Variants in NRXN1 observed in about 807,000 individuals in gnomAD.
NRXN1 encodes the protein neurexin 1.
Under a neutral mutation model 150.9 loss-of-function variants are expected in NRXN1, and 39 were observed. The observed-to-expected ratio is 0.26, with a 90% CI of 0.20 to 0.34. NRXN1 has a LOEUF of 0.34. Among genes scored for constraint, NRXN1 ranks in the 10% least tolerant of loss-of-function variants. NRXN1 has a pLI of 1.00. For synonymous variants in NRXN1, 924 were observed against 757.0 expected (o/e 1.22, Z -3.62); for missense variants, 1,815 against 1,949.9 (o/e 0.93, Z 1.30).
intron 17 of NRXN1, among the ~76,000 whole-genome samples, chr2:50,351,487 C>A (rs945838535): frequency 6.6e-6 from 1 of 151,992 alleles, no homozygotes; most frequent in East Asian, 1.9e-4. Context: ...ATTGGTCCAA[C>A]GAAAGTTAGG....
intron 19 of NRXN1, among the ~76,000 whole-genome samples, chr2:50,061,800 T>C (rs1694576172): frequency 6.6e-6 from 1 of 152,206 alleles, no homozygotes; most frequent in Non-Finnish European, 1.5e-5. Flanking sequence ...TTTTGTGTGG[T>C]TTGATCTGTT....
chr2:50,406,507 C>G (rs2082758802), intron 17 of NRXN1, among the ~76,000 whole-genome samples: 1 of 152,120 alleles, frequency 6.6e-6, no homozygotes, highest in Admixed American at 6.5e-5. Context: ...TAGTAAAAAA[C>G]TTTATCTTTG....
At chr2:50,146,639 A>T (rs147200686) in intron 18 of NRXN1, among the ~76,000 whole-genome samples, 175 of 151,806 alleles carry the variant, frequency 1.2e-3, no homozygotes, top group African/African-American at 4.0e-3. Flanking sequence ...GCTGATTATA[A>T]CTTACTTTTA....
chr2:50,013,183 T>G (rs1469879214), intron 21 of NRXN1, among the ~76,000 whole-genome samples: 1 of 152,126 alleles, frequency 6.6e-6, no homozygotes, highest in Admixed American at 6.6e-5. Flanking sequence ...TTTAGCCATT[T>G]TAGGCATTAT....
intron 17 of NRXN1, among the ~76,000 whole-genome samples, chr2:50,377,332 G>A (rs987623315): frequency 2.0e-5 from 3 of 152,106 alleles, no homozygotes; most frequent in African/African-American, 7.2e-5. Flanking sequence ...CCACTTATAA[G>A]TGAGAACATG....
At chr2:50,210,626 C>T (rs1240727963) in intron 18 of NRXN1, among the ~76,000 whole-genome samples, 1 of 151,594 alleles carries the variant, frequency 6.6e-6, no homozygotes, top group East Asian at 1.9e-4. Context: ...TATAGTGATA[C>T]TTTTGAGACA....
At chr2:50,768,965 G>A (rs778284777) in intron 5 of NRXN1, among the ~76,000 whole-genome samples, 14 of 151,262 alleles carry the variant, frequency 9.3e-5, no homozygotes, top group African/African-American at 1.7e-4. Flanking sequence ...ACTTGAAAAC[G>A]AAAACTTCTT....
intron 5 of NRXN1, among the ~76,000 whole-genome samples, chr2:50,711,820 G>A (rs1695201390): frequency 6.6e-6 from 1 of 152,092 alleles, no homozygotes; most frequent in South Asian, 2.1e-4. Flanking sequence ...GCCTCTGGAA[G>A]TGGTTTCTCT....
At chr2:50,169,040 G>A (rs1279206019) in intron 18 of NRXN1, among the ~76,000 whole-genome samples, 2 of 152,118 alleles carry the variant, frequency 1.3e-5, no homozygotes, top group African/African-American at 2.4e-5. Flanking sequence ...AGAAGCAAAC[G>A]TATCACTGTA....
At chr2:50,127,719 A>G (rs1704818935) in intron 18 of NRXN1, among the ~76,000 whole-genome samples, 1 of 152,214 alleles carries the variant, frequency 6.6e-6, no homozygotes, top group Non-Finnish European at 1.5e-5. Context: ...TGACGTATAT[A>G]AAATATGGAA....
intron 5 of NRXN1, among the ~76,000 whole-genome samples, chr2:50,864,713 T>A (rs1350461223): frequency 6.6e-6 from 1 of 152,042 alleles, no homozygotes; most frequent in East Asian, 1.9e-4. Flanking sequence ...CCAAAATCTC[T>A]GGGCCTTTTC....
intron 21 of NRXN1, among the ~76,000 whole-genome samples, chr2:49,984,290 C>A: frequency 6.6e-6 from 1 of 152,034 alleles, no homozygotes; most frequent in East Asian, 1.9e-4. Context: ...AAAATCAGAA[C>A]CAGAATTCAC....
intron 17 of NRXN1, among the ~76,000 whole-genome samples, chr2:50,295,786 G>A (rs191416930): frequency 1.5e-3 from 229 of 152,242 alleles, no homozygotes; most frequent in African/African-American, 5.3e-3. Context: ...AGGCATAAGG[G>A]AATTTCTCAC....
chr2:50,989,284 T>C (rs1698187082), intron 2 of NRXN1, among the ~76,000 whole-genome samples: 1 of 152,016 alleles, frequency 6.6e-6, no homozygotes, highest in Non-Finnish European at 1.5e-5. Context: ...TTACTATGAC[T>C]ACATTCAATA....
intron 5 of NRXN1, among the ~76,000 whole-genome samples, chr2:50,637,751 T>C (rs1683444446): frequency 6.6e-6 from 1 of 152,068 alleles, no homozygotes; most frequent in Non-Finnish European, 1.5e-5. Flanking sequence ...TCTTTGTGGC[T>C]GGAATAGGGA....
chr2:50,345,807 G>A (rs1418563634), intron 17 of NRXN1, among the ~76,000 whole-genome samples: 1 of 152,152 alleles, frequency 6.6e-6, no homozygotes, highest in East Asian at 1.9e-4. Context: ...GCAGACCTCC[G>A]GGCTTAGCCC....
intron 9 of NRXN1, 119 bp from the exon 10 acceptor site, chr2:50,538,755 C>T: frequency 1.3e-6 from 1 of 780,258 alleles, no homozygotes; most frequent in South Asian, 5.2e-5. Flanking sequence ...TATTATTATT[C>T]TTTCTGTCCT....
chr2:50,328,350 A>G (rs1252682141), intron 17 of NRXN1, among the ~76,000 whole-genome samples: 2 of 152,174 alleles, frequency 1.3e-5, no homozygotes, highest in Non-Finnish European at 2.9e-5. Flanking sequence ...TAAACACCTC[A>G]GCACCAAGGC....
intron 12 of NRXN1, among the ~76,000 whole-genome samples, chr2:50,520,743 T>G (rs2092764471): frequency 6.6e-6 from 1 of 152,020 alleles, no homozygotes; most frequent in Admixed American, 6.6e-5. Context: ...GAATTTATTT[T>G]ATGGGGTTTC....
Sources: allele counts gnomAD v4.1 joint callset (sites outside exome capture counted in the v4.1 genomes callset), GRCh38; gene constraint gnomAD v4.1.1; transcripts MANE v1.5; gene names NCBI Gene and HGNC (gene_info 2026-07-23, HGNC 2026-07-21).